The following FUT8 variants were observed in gnomAD, a reference collection of about 807,000 sequenced individuals.
The protein encoded by FUT8 is alpha-(1,6)-fucosyltransferase.
Under a neutral mutation model 71.3 loss-of-function variants are expected in FUT8, and 29 were observed. The observed-to-expected ratio is 0.41, with a 90% CI of 0.30 to 0.55. FUT8 has a LOEUF of 0.55. Ranked by LOEUF, FUT8 falls within the 20% of genes least tolerant of loss-of-function variation. The probability of loss-of-function intolerance (pLI) is 0.34; values close to 1 mark genes in which losing one functional copy is unlikely to be tolerated. For missense variants in FUT8, 544 were observed against 702.1 expected, an observed-to-expected ratio of 0.77 and a Z score of 2.55; for synonymous variants, 254 against 239.3, an observed-to-expected ratio of 1.06 and a Z score of -0.57.
At chr14:65,605,569 A>T (rs1021402159) in intron 3 of FUT8, among the ~76,000 whole-genome samples, 1 of 152,008 alleles carries the variant, frequency 6.6e-6, no homozygotes, top group Non-Finnish European at 1.5e-5. Context: ...GAAGAGGCAG[A>T]CTTCTGCAAC....
intron 3 of FUT8, among the ~76,000 whole-genome samples, chr14:65,563,874 C>A (rs574784885): frequency 6.6e-6 from 1 of 152,094 alleles, no homozygotes; most frequent in South Asian, 2.1e-4. Flanking sequence ...ATTAATTTCT[C>A]AACTACATTT....
rs58811272 is a variant in FUT8, at chr14:65,690,629, A to ATCTCTC, written c.835+21164_835+21169dup. Among the ~76,000 whole-genome samples the ATCTCTC allele has an allele frequency of 4.1e-5, 6 of 144,804 alleles. No individual in the cohort carries two copies. The South Asian group carries it at 6.6e-4, about 16-fold the overall frequency. 95.0% of individuals were successfully genotyped at this position (144,804 alleles called of 152,430 possible). A position where few individuals can be genotyped will look rare whatever the true frequency, so the allele number is the denominator to read the frequency against. On this transcript the variant is annotated intron_variant, in intron 7 of 10. Coordinates refer to ENST00000673929, the MANE Select transcript of FUT8 (RefSeq NM_001371533.1). ...AGACTTTAACTTCTGTCATCCCTTT[A>ATCTCTC]TCTCTCTCTCTCTCTCTCTCATTCT...
the FUT8 span, among the ~76,000 whole-genome samples, chr14:65,382,929 ACTT>A: frequency 6.6e-6 from 1 of 151,904 alleles, no homozygotes; most frequent in African/African-American, 2.4e-5. Context: ...AATTCTAAGA[ACTT>A]CTTCTGTGTT....
chr14:65,516,534 T>G (rs189018955), intron 2 of FUT8: 20 of 152,232 alleles, frequency 1.3e-4, no homozygotes, highest in Admixed American at 3.3e-4. Context: ...ATTTTTCAAG[T>G]TTTTTTGGTA....
intron 2 of FUT8, among the ~76,000 whole-genome samples, chr14:65,461,456 T>G (rs914666165): frequency 2.0e-5 from 3 of 152,214 alleles, no homozygotes; most frequent in African/African-American, 7.2e-5. Context: ...CAGTCTTCAG[T>G]GCCCAAACTG....
intron 1 of FUT8, among the ~76,000 whole-genome samples, chr14:65,421,235 A>ATATT (rs2065289861): frequency 6.6e-6 from 1 of 151,102 alleles, no homozygotes; most frequent in African/African-American, 2.4e-5. Context: ...AAGAGAGAAT[A>ATATT]TATTTACTCT....
At chr14:65,492,065 T>C (rs1406796803) in intron 2 of FUT8, among the ~76,000 whole-genome samples, 2 of 152,216 alleles carry the variant, frequency 1.3e-5, no homozygotes, top group African/African-American at 2.4e-5. Flanking sequence ...CTTGGACTTG[T>C]GAGCTTCAGT....
Position 65,538,174 on chromosome 14 carries a change from G to A in FUT8, c.-227-23163G>A, listed in dbSNP as rs555641378. On this transcript the variant is annotated intron_variant, in intron 2 of 10. Coordinates refer to ENST00000673929, the MANE Select transcript of FUT8 (RefSeq NM_001371533.1). ...AGATGCTCCCACACCAAACCCTCTG[G>A]GCTCTATCCTTACCACTTCTCGAAG... Among the ~76,000 whole-genome samples, 7 of 152,236 alleles carry A rather than the reference G, an allele frequency of 4.6e-5. No individual in the cohort carries two copies. The East Asian group carries it at 1.3e-3, about 29-fold the overall frequency.
intron 1 of FUT8, among the ~76,000 whole-genome samples, chr14:65,431,318 T>C (rs1359812934): frequency 9.9e-4 from 108 of 109,538 alleles, no homozygotes; most frequent in African/African-American, 4.1e-3. Flanking sequence ...TTTTTTTTTT[T>C]TCTCTCAAAT....
chr14:65,372,668 C>T, the FUT8 span, among the ~76,000 whole-genome samples: 6 of 152,308 alleles, frequency 3.9e-5, no homozygotes, highest in East Asian at 3.9e-4. Flanking sequence ...CCGCCCACCT[C>T]GGCCTTCCAA....
intron 2 of FUT8, among the ~76,000 whole-genome samples, chr14:65,530,703 T>TTATA (rs1883888501): frequency 6.6e-6 from 1 of 152,020 alleles, no homozygotes; most frequent in Non-Finnish European, 1.5e-5. Flanking sequence ...GATATAACTC[T>TTATA]AATGATTTAT....
At chr14:65,600,053 A>G (rs992869076) in intron 3 of FUT8, among the ~76,000 whole-genome samples, 12 of 152,208 alleles carry the variant, frequency 7.9e-5, no homozygotes, top group Admixed American at 7.8e-4. Flanking sequence ...TTTTAATAGT[A>G]GAGTAACTTG....
intron 2 of FUT8, among the ~76,000 whole-genome samples, chr14:65,501,911 TCTTTC>T (rs2066651026): frequency 6.6e-6 from 1 of 151,342 alleles, no homozygotes. Flanking sequence ...TCTTTTCTTT[TCTTTC>T]TTTTTTTTTT....
intron 10 of FUT8, 124 bp downstream of exon 10, chr14:65,733,505 A>T: frequency 1.6e-6 from 1 of 607,492 alleles, no homozygotes; most frequent in Non-Finnish European, 2.8e-6. Flanking sequence ...AATTTTTCTG[A>T]TACTCAGTAA....
rs148218566 is a variant in FUT8, at chr14:65,496,552, G to A, written c.-228+40834G>A. On this transcript the variant is annotated intron_variant, in intron 2 of 10. Coordinates refer to ENST00000673929, the MANE Select transcript of FUT8 (RefSeq NM_001371533.1). Reference sequence around the variant, plus strand: ...TAGTGAGTTCTCATGAGATCTGATGGTTTTATACGTGTCTGACAGTTCCTC... The same window carrying A: ...TAGTGAGTTCTCATGAGATCTGATGATTTTATACGTGTCTGACAGTTCCTC... 9.7e-4 allele frequency among the ~76,000 whole-genome samples: 148 copies of A among 152,162 alleles called. 1 individual carries two copies. The highest frequency in any genetic ancestry group is 9.7e-4 in the Non-Finnish European group (66 of 68,002).
rs568294228 is a variant in FUT8, at chr14:65,692,992, G to A, written c.835+23512G>A. On this transcript the variant is annotated intron_variant, in intron 7 of 10. Transcript: ENST00000673929. ...CTCCTCGCTTCCTAGATGGGATGGC[G>A]GCCGGGCAGAGATGCTCCTCACTTT... is the stretch of plus-strand genomic sequence containing the variant. Among the ~76,000 whole-genome samples, 6 of 151,698 alleles carry A rather than the reference G, an allele frequency of 4.0e-5. No homozygotes were observed. The East Asian group carries it at 7.8e-4, about 20-fold the overall frequency.
chr14:65,505,168 A>T (rs1286773185), intron 2 of FUT8, among the ~76,000 whole-genome samples: 1 of 152,100 alleles, frequency 6.6e-6, no homozygotes, highest in Non-Finnish European at 1.5e-5. Context: ...TGAGTTTTAC[A>T]TGCGTAACCA....
intron 5 of FUT8, among the ~76,000 whole-genome samples, chr14:65,624,998 G>A (rs955567992): frequency 1.1e-4 from 17 of 152,058 alleles, no homozygotes; most frequent in Middle Eastern, 6.8e-3. Flanking sequence ...CCTGGGAGGC[G>A]GAGGTTGCAG....
At chr14:65,388,296 A>T in the FUT8 span, among the ~76,000 whole-genome samples, 2 of 152,216 alleles carry the variant, frequency 1.3e-5, no homozygotes, top group African/African-American at 2.4e-5. Context: ...TAATCTGAAG[A>T]TGAGGAAATA....
Sources: gnomAD v4.1 joint callset for allele counts (sites outside exome capture counted in the v4.1 genomes callset) on GRCh38, gnomAD v4.1.1 for gene constraint, MANE v1.5 for transcripts, NCBI Gene and HGNC (gene_info 2026-07-23, HGNC 2026-07-21) for gene names.